SYNE2: variants seen among roughly 807,000 people sequenced by gnomAD.
SYNE2 encodes the protein nesprin-2.
In SYNE2, 431 loss-of-function variants were observed where a neutral mutation model predicts 856.3. The observed-to-expected ratio is 0.50, with a 90% CI of 0.47 to 0.55. The LOEUF (loss-of-function observed/expected upper bound fraction) is 0.55. SYNE2 is among the 20% of genes least tolerant of loss of function. The pLI is 0.00. For missense variants in SYNE2, 8,129 were observed against 8,023.2 expected, an observed-to-expected ratio of 1.01 and a Z score of -0.50; for synonymous variants, 2,923 against 2,872.3, an observed-to-expected ratio of 1.02 and a Z score of -0.56.
chr14:64,202,807 G>T lies in SYNE2; in HGVS notation c.18045G>T (p.Lys6015Asn), dbSNP rs2098581338. The change falls in exon 100 of 116, where the codon AAG becomes AAT. Residue 6015 changes from lysine to asparagine, a missense_variant. Around this residue, in one of 3 missense-constraint regions of SYNE2, gnomAD observed 5,410 missense variants for 5,284.8 expected, o/e 1.02. Transcript: ENST00000555002. The stretch of plus-strand genomic sequence containing the variant: ...TTTCTGCAAATATGTGTAGGGTGAA[G>T]AAGCTGAAGGAGACCTTTGCTTTTA... The part of the protein sequence containing the change: ...HLFDVIGSRV[K>N]KLKETFAFIQ... 6.2e-7 allele frequency: 1 copy of T among 1,614,002 alleles called. No individual in the cohort carries two copies. The highest frequency in any genetic ancestry group is 1.3e-5 in the African/African-American group (1 of 74,892).
At chr14:63,960,950 C>T (rs2096305543) in intron 8 of SYNE2, 1 of 539,820 alleles carries the variant, frequency 1.9e-6, no homozygotes, top group African/African-American at 1.9e-5. Context: ...ATTTTACAAA[C>T]TTATTTCACC....
chr14:64,125,731 G>A (rs149618968), intron 71 of SYNE2, among the ~76,000 whole-genome samples: 374 of 152,274 alleles, frequency 2.5e-3, no homozygotes, highest in Non-Finnish European at 3.8e-3. Flanking sequence ...TGCTAAAACA[G>A]ATCTGTGGCT....
chr14:63,926,382 A>G (rs2095666125), intron 2 of SYNE2, among the ~76,000 whole-genome samples: 1 of 152,188 alleles, frequency 6.6e-6, no homozygotes, highest in Admixed American at 6.5e-5. Flanking sequence ...TTCAAGATTC[A>G]GCCATATTTA....
At position 64,216,333 on chromosome 14, in the gene SYNE2, C is replaced by A; in HGVS notation, c.19488C>A (p.Asp6496Glu). 1.2e-6 allele frequency: 2 copies of A among 1,614,196 alleles called. No individual in the cohort carries two copies. ...PEHHYKQMEG[D>E]RNVPPVPPAS... Reference sequence around the variant, plus strand: ...ATCACTACAAGCAAATGGAAGGTGACAGGAATGTTCCACCTGTTCCCCCTG... The same window carrying A: ...ATCACTACAAGCAAATGGAAGGTGAAAGGAATGTTCCACCTGTTCCCCCTG... Residue 6496 changes from aspartate to glutamate, a missense_variant, in exon 108 of 116, where the codon GAC becomes GAA. Coordinates refer to ENST00000555002, the MANE Select transcript of SYNE2 (RefSeq NM_182914.3).
rs1386049542 is a variant in SYNE2, at chr14:64,048,251, A to G, written c.7377+96A>G. On this transcript the variant is annotated intron_variant, in intron 46 of 115. Coordinates refer to ENST00000555002, the MANE Select transcript of SYNE2 (RefSeq NM_182914.3). ...GCCAAAAACTTGCTTGTACAGAGTG[A>G]AAAGTCTTATTTAACCTTTGCCTGA... 6.5e-6 allele frequency: 8 copies of G among 1,229,252 alleles called. No individual in the cohort carries two copies. The East Asian group carries it at 2.0e-4, about 31-fold the overall frequency. 76.1% of individuals were successfully genotyped at this position (1,229,252 alleles called of 1,614,324 possible).
At chr14:63,840,830 T>C (rs925368167) in intron 1 of SYNE2, among the ~76,000 whole-genome samples, 3 of 151,912 alleles carry the variant, frequency 2.0e-5, no homozygotes, top group African/African-American at 7.3e-5. Context: ...CTGACCAACA[T>C]GGAGAAACCC....
intron 100 of SYNE2, 76 bp from the exon 101 acceptor site, chr14:64,208,681 GA>G: frequency 1.7e-5 from 25 of 1,486,388 alleles, no homozygotes; most frequent in Non-Finnish European, 2.2e-5. Flanking sequence ...AGGGAGGGAG[GA>G]ACGGAGGTCC....
intron 85 of SYNE2, among the ~76,000 whole-genome samples, chr14:64,154,395 T>TA (rs34163553): frequency 0.07 from 10,668 of 151,990 alleles, 831 homozygotes; most frequent in African/African-American, 0.19. Context: ...CACAAATTGT[T>TA]AAAAAAAGTA....
At chr14:63,885,832 C>A (rs975981046) in intron 1 of SYNE2, among the ~76,000 whole-genome samples, 1 of 152,172 alleles carries the variant, frequency 6.6e-6, no homozygotes, top group Non-Finnish European at 1.5e-5. Flanking sequence ...ATTGACTACT[C>A]GCTGTGTGCC....
chr14:63,800,246 C>T (rs1323311632), intron 1 of SYNE2, among the ~76,000 whole-genome samples: 1 of 151,436 alleles, frequency 6.6e-6, no homozygotes, highest in East Asian at 1.9e-4. Context: ...TTTTTTGAGA[C>T]GGAGTCTCCT....
At chr14:63,837,343 T>G (rs1257642078) in intron 1 of SYNE2, among the ~76,000 whole-genome samples, 2 of 152,178 alleles carry the variant, frequency 1.3e-5, no homozygotes, top group African/African-American at 4.8e-5. Context: ...TATGAAACTC[T>G]TAGAAGAAAG....
intron 11 of SYNE2, among the ~76,000 whole-genome samples, chr14:63,969,989 T>A (rs2096453556): frequency 6.6e-6 from 1 of 152,206 alleles, no homozygotes; most frequent in Non-Finnish European, 1.5e-5. Context: ...TTCCTGCTTA[T>A]CTTTAATAAT....
intron 90 of SYNE2, 55 bp from the exon 91 acceptor site, chr14:64,167,178 C>T (rs1229869918): frequency 1.2e-6 from 2 of 1,610,204 alleles, no homozygotes; most frequent in Non-Finnish European, 1.7e-6. Context: ...GGTTTTTTGT[C>T]ATCTAGATAT....
intron 85 of SYNE2, 30 bp from the exon 86 acceptor site, chr14:64,158,595 T>C: frequency 6.2e-7 from 1 of 1,612,418 alleles, no homozygotes; most frequent in Non-Finnish European, 8.5e-7. Context: ...AGTGATTTTC[T>C]AAATCAGTAC....
At chr14:64,224,357 C>CA (rs1185663613) in intron 113 of SYNE2, 104 bp from the exon 114 acceptor site, 1 of 1,126,144 alleles carries the variant, frequency 8.9e-7, no homozygotes, top group Non-Finnish European at 1.3e-6. Flanking sequence ...TAAAACAAAA[C>CA]AAAACAAAAA....
intron 31 of SYNE2, 38 bp downstream of exon 31, chr14:64,007,260 T>C (rs2096803647): frequency 6.3e-7 from 1 of 1,595,122 alleles, no homozygotes; most frequent in Non-Finnish European, 8.6e-7. Context: ...ATCTGAAAAA[T>C]TGTCTGTAGC....
At chr14:64,032,795 G>A (rs985237732) in intron 45 of SYNE2, among the ~76,000 whole-genome samples, 1 of 152,152 alleles carries the variant, frequency 6.6e-6, no homozygotes, top group Non-Finnish European at 1.5e-5. Context: ...AAGGTGATAT[G>A]TCTTAGAGGA....
At chr14:64,082,302 T>G (rs1402370302) in intron 57 of SYNE2, among the ~76,000 whole-genome samples, 1 of 152,138 alleles carries the variant, frequency 6.6e-6, no homozygotes, top group African/African-American at 2.4e-5. Context: ...AGTACTTGAT[T>G]AACATGATTA....
intron 99 of SYNE2, among the ~76,000 whole-genome samples, chr14:64,191,906 C>T (rs186794983): frequency 1.3e-5 from 2 of 152,336 alleles, no homozygotes; most frequent in Admixed American, 6.5e-5. Context: ...CTTTCTAGGC[C>T]TCAGTTGCTA....
Sources: gnomAD v4.1 joint callset for allele counts (sites outside exome capture counted in the v4.1 genomes callset) on GRCh38, gnomAD v4.1.1 for gene constraint, gnomAD v4.1.1 regional missense constraint, MANE v1.5 for transcripts, NCBI Gene and HGNC (gene_info 2026-07-23, HGNC 2026-07-21) for gene names.